RASSF2: variants seen among roughly 807,000 people sequenced by gnomAD.
RASSF2 encodes the protein ras association domain-containing protein 2.
Under a neutral mutation model 46.3 loss-of-function variants are expected in RASSF2, and 34 were observed. The ratio of observed to expected loss-of-function variants is 0.73; its 90% CI spans 0.56 to 0.98. RASSF2 has a LOEUF of 0.98. Among genes scored for constraint, RASSF2 ranks in the 50% least tolerant of loss-of-function variants. The pLI is 0.00. For synonymous variants in RASSF2, 158 were observed against 162.5 expected (o/e 0.97, Z 0.21); for missense variants, 364 against 431.2 (o/e 0.84, Z 1.38).
intron 4 of RASSF2, among the ~76,000 whole-genome samples, chr20:4,797,556 G>A (rs939499418): frequency 6.8e-6 from 1 of 146,256 alleles, no homozygotes; most frequent in Non-Finnish European, 1.5e-5. Flanking sequence ...CAAGTGTGGG[G>A]ACGGGCCCAC....
intron 5 of RASSF2, among the ~76,000 whole-genome samples, chr20:4,793,252 A>C (rs905531994): frequency 6.6e-6 from 1 of 152,196 alleles, no homozygotes; most frequent in African/African-American, 2.4e-5. Flanking sequence ...TTGCCATCAT[A>C]ACTGGCAAAT....
chr20:4,803,270 T>C (rs1325958123), intron 2 of RASSF2, among the ~76,000 whole-genome samples: 2 of 151,874 alleles, frequency 1.3e-5, no homozygotes, highest in African/African-American at 2.4e-5. Flanking sequence ...AGTGAGACAA[T>C]GTGAGAAGGA....
intron 2 of RASSF2, among the ~76,000 whole-genome samples, chr20:4,810,442 C>T (rs1927689548): frequency 6.6e-6 from 1 of 152,198 alleles, no homozygotes; most frequent in South Asian, 2.1e-4. Context: ...GCAGAATCCC[C>T]TCTGCTCTTA....
intron 8 of RASSF2, 129 bp downstream of exon 8, chr20:4,789,467 A>C (rs1260639920): frequency 2.9e-6 from 2 of 700,450 alleles, no homozygotes; most frequent in Non-Finnish European, 4.8e-6. Context: ...GTGAGGATCT[A>C]AAGAACCGAA....
At chr20:4,803,932 C>T (rs1185709991) in intron 2 of RASSF2, among the ~76,000 whole-genome samples, 1 of 152,056 alleles carries the variant, frequency 6.6e-6, no homozygotes, top group Non-Finnish European at 1.5e-5. Context: ...CTAGCATGCA[C>T]CTCTGGTCCC....
chr20:4,819,024 G>A (rs1250610532), intron 2 of RASSF2, among the ~76,000 whole-genome samples: 2 of 152,058 alleles, frequency 1.3e-5, no homozygotes, highest in South Asian at 2.1e-4. Context: ...GCACAATGGC[G>A]AGATCTCAGC....
rs1926514683 is a variant in RASSF2, at chr20:4,798,139, T to C, written c.60-54A>G. The C allele has an allele frequency of 2.5e-6, 4 of 1,603,904 alleles. No individual in the cohort carries two copies. In the Admixed American group the frequency reaches 6.7e-5, roughly 27 times the overall value. On this transcript the variant is annotated intron_variant, in intron 3 of 11. Transcript: ENST00000379400. ...CATTATCAGCTGAAGCCACTTATAA[T>C]GCAGTTGTTCCCTCTTTCTCTCACC...
chr20:4,820,866 C>T (rs182502005), intron 2 of RASSF2, among the ~76,000 whole-genome samples: 2 of 152,272 alleles, frequency 1.3e-5, no homozygotes, highest in Admixed American at 1.3e-4. Context: ...CAACCTGACC[C>T]TGCCTTTCTG....
In RASSF2 at chr20:4,784,106, G is replaced by T; in HGVS notation, c.*167C>A. 1 of 664,412 alleles carries T rather than the reference G, an allele frequency of 1.5e-6. No individual in the cohort carries two copies. Among genetic ancestry groups the T allele is most frequent in the Non-Finnish European group, 2.7e-6 (1 of 373,622 alleles). 41.2% of individuals were successfully genotyped at this position (664,412 alleles called of 1,614,324 possible). A position where few individuals can be genotyped will look rare whatever the true frequency, so the allele number is the denominator to read the frequency against. On this transcript the variant is annotated 3_prime_UTR_variant, in exon 12 of 12. Coordinates refer to ENST00000379400, the MANE Select transcript of RASSF2 (RefSeq NM_014737.3). ...GAGGGCAGGGGTCCAGGGATAGGGA[G>T]CTGTCTGCTGACTTCTACATCCAGC...
chr20:4,789,890 G>A (rs906926050), intron 7 of RASSF2, among the ~76,000 whole-genome samples, 193 bp from the exon 8 acceptor site: 4 of 152,120 alleles, frequency 2.6e-5, no homozygotes, highest in African/African-American at 7.2e-5. Context: ...CATGCTCCAC[G>A]CTCAAAAAGA....
At chr20:4,784,823 TG>T in intron 11 of RASSF2, among the ~76,000 whole-genome samples, 1 of 152,104 alleles carries the variant, frequency 6.6e-6, no homozygotes, top group South Asian at 2.1e-4. Context: ...TAACAGAACC[TG>T]CATTTTGCAG....
At position 4,780,995 on chromosome 20, in the gene RASSF2, C is replaced by A. The variant is rs1041109055; in HGVS notation, c.*3278G>T. On this transcript the variant is annotated 3_prime_UTR_variant, in exon 12 of 12. Coordinates refer to ENST00000379400, the MANE Select transcript of RASSF2 (RefSeq NM_014737.3). ...AAAAAAAAAAAAAGAAAGAAAGAAA[C>A]CTCTCTCGGCGATGTATCTGTGACA... is the stretch of plus-strand genomic sequence containing the variant. The A allele has an allele frequency of 6.6e-6, 1 of 151,158 alleles. No homozygotes were observed. The allele number at this position is 151,158 out of a possible 1,614,324, so 9.4% of individuals were successfully genotyped here.
chr20:4,786,605 T>G (rs1174986679), intron 10 of RASSF2, among the ~76,000 whole-genome samples: 1 of 152,224 alleles, frequency 6.6e-6, no homozygotes, highest in Non-Finnish European at 1.5e-5. Context: ...GAAAAGTACT[T>G]TCTTTTGACA....
In RASSF2 at chr20:4,798,948, A is replaced by G. The variant is rs529247252; in HGVS notation, c.60-863T>C. Among the ~76,000 whole-genome samples, 6 of 152,076 alleles carry G rather than the reference A, an allele frequency of 3.9e-5. No individual in the cohort carries two copies. In the South Asian group the frequency reaches 1.2e-3, roughly 32 times the overall value. On this transcript the variant is annotated intron_variant, in intron 3 of 11. Transcript: ENST00000379400. ...TTATCAGCGAAGAGAATGTGAATGA[A>G]CTACACAACTACACGCATGTGTGTG...
intron 11 of RASSF2, among the ~76,000 whole-genome samples, chr20:4,785,048 G>A (rs760331167): frequency 1.3e-5 from 2 of 150,740 alleles, no homozygotes; most frequent in Admixed American, 6.7e-5. Context: ...GGTGGCTCAC[G>A]CCTGCAATCC....
chr20:4,783,589 G>A lies in RASSF2; in HGVS notation c.*684C>T, dbSNP rs1033571030. ...GTCTTTGTCATTTAAAACAATCAAC[G>A]TTTCCAGTGTAAAAATACGTGGGCT... is the stretch of plus-strand genomic sequence containing the variant. On this transcript the variant is annotated 3_prime_UTR_variant, in exon 12 of 12. Transcript: ENST00000379400. The A allele has an allele frequency of 2.6e-5, 4 of 152,644 alleles. No homozygotes were observed. Among genetic ancestry groups the A allele is most frequent in the Non-Finnish European group, 4.4e-5 (3 of 68,058 alleles). The allele number at this position is 152,644 out of a possible 1,614,324, so 9.5% of individuals were successfully genotyped here.
At chr20:4,804,037 G>A (rs898486166) in intron 2 of RASSF2, among the ~76,000 whole-genome samples, 6 of 152,132 alleles carry the variant, frequency 3.9e-5, no homozygotes, top group Non-Finnish European at 7.4e-5. Flanking sequence ...TAGCCTGGTC[G>A]ACAGAGTAAG....
Position 4,790,399 on chromosome 20 carries a change from C to A in RASSF2, c.537+52G>T. 1 of 1,399,852 alleles carries A rather than the reference C, an allele frequency of 7.1e-7. No homozygotes were observed. Among genetic ancestry groups the A allele is most frequent in the Non-Finnish European group, 9.3e-7 (1 of 1,071,714 alleles). 86.7% of individuals were successfully genotyped at this position (1,399,852 alleles called of 1,614,324 possible). On this transcript the variant is annotated intron_variant, in intron 7 of 11. Coordinates refer to ENST00000379400, the MANE Select transcript of RASSF2 (RefSeq NM_014737.3). This position sits in a 1 kb window ranked among gnomAD's most constrained non-coding sequence, Gnocchi z 4.3. ...CCATATGGCTGTAGCCCTGAGGTGG[C>A]ATCTACCCAGGAAGAGGTCTTCCAC...
rs200654692 is a variant in RASSF2 at position 4,790,631 on chromosome 20, T to C, written c.377-20A>G. 3.3e-6 allele frequency: 5 copies of C among 1,512,702 alleles called. No homozygotes were observed. In the African/African-American group the frequency reaches 7.3e-5, roughly 22 times the overall value. 93.7% of individuals were successfully genotyped at this position (1,512,702 alleles called of 1,614,324 possible). A position where few individuals can be genotyped will look rare whatever the true frequency, so the allele number is the denominator to read the frequency against. On this transcript the variant is annotated intron_variant, in intron 6 of 11. Coordinates refer to ENST00000379400, the MANE Select transcript of RASSF2 (RefSeq NM_014737.3). The surrounding 1 kb of genome is among the most constrained non-coding windows in gnomAD (Gnocchi z 4.3). ...TGGAGTCTGAGAGAGGAGAGGGAAA[T>C]GAACTCTGTCTGTCTGGACCTGGGA...
Sources: allele counts gnomAD v4.1 joint callset (sites outside exome capture counted in the v4.1 genomes callset), GRCh38; gene constraint gnomAD v4.1.1; non-coding constraint Gnocchi (gnomAD v3.1); transcripts MANE v1.5; gene names NCBI Gene and HGNC (gene_info 2026-07-23, HGNC 2026-07-21).